The following THADA variants were observed in gnomAD, a reference collection of about 807,000 sequenced individuals.
The protein encoded by THADA is THADA armadillo repeat containing.
A neutral mutation model predicts 219.8 loss-of-function variants in THADA; 213 were observed. The observed-to-expected ratio is 0.97, with a 90% CI of 0.87 to 1.09. The LOEUF is 1.09. Ranked by LOEUF, THADA falls within the 50% of genes least tolerant of loss-of-function variation. THADA has a pLI of 0.00. For missense variants in THADA, 2,956 were observed against 2,311.3 expected, an observed-to-expected ratio of 1.28 and a Z score of -5.72; for synonymous variants, 1,018 against 828.9, an observed-to-expected ratio of 1.23 and a Z score of -3.92.
rs1227225504 is a variant in THADA, at chr2:43,552,371, G to A, written c.2675-32C>T. The A allele has an allele frequency of 5.7e-6, 9 of 1,573,278 alleles. 1 individual carries two copies. The East Asian group carries it at 1.4e-4, about 24-fold the overall frequency. On this transcript the variant is annotated intron_variant, in intron 17 of 37. Coordinates refer to ENST00000405975, the MANE Select transcript of THADA (RefSeq NM_022065.5). ...AAAGCAAACAGAAAATCAAAGTAAT[G>A]TCAATCTTAAAACATTTGTAAATGT...
intron 27 of THADA, among the ~76,000 whole-genome samples, chr2:43,428,681 G>A (rs755299255): frequency 3.3e-5 from 5 of 150,438 alleles, no homozygotes; most frequent in Non-Finnish European, 5.9e-5. Context: ...TTTTTTCTAC[G>A]TTCACTTCTT....
At chr2:43,472,164 A>C (rs1006460093) in intron 26 of THADA, among the ~76,000 whole-genome samples, 5 of 152,254 alleles carry the variant, frequency 3.3e-5, no homozygotes, top group Admixed American at 1.3e-4. Flanking sequence ...TTCATGGGAC[A>C]GCCAACCAGT....
At chr2:43,313,597 C>T (rs1483763883) in intron 31 of THADA, among the ~76,000 whole-genome samples, 1 of 152,256 alleles carries the variant, frequency 6.6e-6, no homozygotes, top group African/African-American at 2.4e-5. Context: ...CAAGCGTGCT[C>T]TTTCTAATAA....
chr2:43,286,745 G>A (rs1558519992), intron 35 of THADA, among the ~76,000 whole-genome samples, 163 bp downstream of exon 35: 1 of 152,062 alleles, frequency 6.6e-6, no homozygotes, highest in East Asian at 1.9e-4. Context: ...GAGTGTGTTC[G>A]TGAAAATGAT....
chr2:43,294,041 G>A (rs909197764), intron 31 of THADA, among the ~76,000 whole-genome samples: 2 of 152,130 alleles, frequency 1.3e-5, no homozygotes, highest in Non-Finnish European at 2.9e-5. Context: ...GTCTACTGAT[G>A]GTGGTGAGTC....
At chr2:43,533,465 A>T (rs1400318542) in intron 21 of THADA, among the ~76,000 whole-genome samples, 5 of 152,218 alleles carry the variant, frequency 3.3e-5, no homozygotes, top group African/African-American at 4.8e-5. Context: ...CACCATTTAC[A>T]ATAGCAAAGA....
At chr2:43,359,313 G>C (rs1346407320) in intron 29 of THADA, among the ~76,000 whole-genome samples, 3 of 152,220 alleles carry the variant, frequency 2.0e-5, no homozygotes, top group African/African-American at 7.2e-5. Flanking sequence ...GTGATTCTGT[G>C]AGATCTAACT....
intron 8 of THADA, among the ~76,000 whole-genome samples, chr2:43,579,377 C>T (rs573105108): frequency 6.6e-6 from 1 of 152,308 alleles, no homozygotes; most frequent in African/African-American, 2.4e-5. Context: ...ACTTTGCTAG[C>T]ACTGACACTG....
chr2:43,305,454 CCAT>C (rs1676744419), intron 31 of THADA, among the ~76,000 whole-genome samples: 1 of 152,128 alleles, frequency 6.6e-6, no homozygotes, highest in South Asian at 2.1e-4. Context: ...TCTCTGAACC[CCAT>C]CATCTCTGCT....
intron 36 of THADA, among the ~76,000 whole-genome samples, chr2:43,251,435 C>G (rs1421807524): frequency 1.3e-5 from 2 of 152,224 alleles, no homozygotes; most frequent in Non-Finnish European, 2.9e-5. Flanking sequence ...AGCCCTGAAG[C>G]CTGCTGGTGT....
chr2:43,423,248 T>G (rs1001345040), intron 28 of THADA, among the ~76,000 whole-genome samples: 5 of 152,188 alleles, frequency 3.3e-5, no homozygotes, highest in Non-Finnish European at 7.3e-5. Flanking sequence ...CTTCATTTTT[T>G]TTATGGCTAC....
At chr2:43,455,844 T>A (rs1481649786) in intron 26 of THADA, among the ~76,000 whole-genome samples, 1 of 152,194 alleles carries the variant, frequency 6.6e-6, no homozygotes, top group East Asian at 1.9e-4. Flanking sequence ...GACACAATAG[T>A]TACTAAGGAG....
intron 29 of THADA, among the ~76,000 whole-genome samples, chr2:43,384,234 TAGA>T (rs1672370859): frequency 6.6e-6 from 1 of 152,188 alleles, no homozygotes; most frequent in East Asian, 1.9e-4. Flanking sequence ...TTTTCCAGAA[TAGA>T]AGAAGTGATG....
intron 26 of THADA, among the ~76,000 whole-genome samples, chr2:43,443,776 T>A (rs1239374007): frequency 6.6e-6 from 1 of 152,190 alleles, no homozygotes; most frequent in African/African-American, 2.4e-5. Context: ...AGTTATTCCC[T>A]CTCCCACCAG....
intron 21 of THADA, among the ~76,000 whole-genome samples, chr2:43,535,250 T>C (rs1694415560): frequency 6.8e-6 from 1 of 147,068 alleles, no homozygotes; most frequent in South Asian, 2.2e-4. Context: ...GTCAGATGAA[T>C]AGTTTACAAA....
chr2:43,291,049 T>A (rs1281924981), intron 34 of THADA, among the ~76,000 whole-genome samples: 1 of 151,984 alleles, frequency 6.6e-6, no homozygotes, highest in African/African-American at 2.4e-5. Context: ...TGCTTACTCC[T>A]CTTTAAATAA....
chr2:43,308,484 T>C (rs562946350), intron 31 of THADA, among the ~76,000 whole-genome samples: 6 of 151,598 alleles, frequency 4.0e-5, no homozygotes, highest in Admixed American at 3.9e-4. Context: ...ATAGGAGGAG[T>C]GCTTGAGCCC....
intron 29 of THADA, among the ~76,000 whole-genome samples, chr2:43,352,310 C>A (rs1326592291): frequency 6.6e-6 from 1 of 152,168 alleles, no homozygotes; most frequent in Non-Finnish European, 1.5e-5. Flanking sequence ...GTAATCCCAG[C>A]ACTTTGGGAG....
intron 28 of THADA, among the ~76,000 whole-genome samples, chr2:43,402,389 T>C (rs1674963111): frequency 6.6e-6 from 1 of 152,132 alleles, no homozygotes; most frequent in South Asian, 2.1e-4. Context: ...AAATACACAC[T>C]TGGACTTAAC....
Sources: allele counts gnomAD v4.1 joint callset (sites outside exome capture counted in the v4.1 genomes callset), GRCh38; gene constraint gnomAD v4.1.1; transcripts MANE v1.5; gene names NCBI Gene and HGNC (gene_info 2026-07-23, HGNC 2026-07-21).